PLEKHM3: variants seen among roughly 807,000 people sequenced by gnomAD.
PLEKHM3 encodes the protein pleckstrin homology domain containing M3, also known as pleckstrin homology domain-containing family M member 3.
In PLEKHM3, 45 loss-of-function variants were observed where a neutral mutation model predicts 81.8. That is an observed-to-expected ratio of 0.55 (90% CI 0.43 to 0.71). The LOEUF (loss-of-function observed/expected upper bound fraction) is 0.71, where lower values mean the gene tolerates loss of function less well. Among genes scored for constraint, PLEKHM3 ranks in the 30% least tolerant of loss-of-function variants. The pLI is 0.00. For synonymous variants in PLEKHM3, 352 were observed against 356.4 expected, an observed-to-expected ratio of 0.99 and a Z score of 0.14; for missense variants, 788 against 924.3, an observed-to-expected ratio of 0.85 and a Z score of 1.91.
intron 6 of PLEKHM3, among the ~76,000 whole-genome samples, chr2:207,870,795 A>G (rs1197527521): frequency 6.6e-6 from 1 of 152,194 alleles, no homozygotes; most frequent in Non-Finnish European, 1.5e-5. Context: ...TCTCTTACTC[A>G]TCAATCCTTA....
Position 207,919,907 on chromosome 2 carries a change from A to T in PLEKHM3, c.1886+11019T>A, listed in dbSNP as rs116501444. ...TGGTCTAAGAGCAGAGTAAGCTGCT[A>T]AATTTTGCTTGAAGGAAGGGGAAGC... On this transcript the variant is annotated intron_variant, in intron 5 of 7. Transcript: ENST00000427836. Among the ~76,000 whole-genome samples, 264 of 152,234 alleles carry T rather than the reference A, an allele frequency of 1.7e-3. 1 individual carries two copies. The Middle Eastern group carries it at 0.031, about 18-fold the overall frequency.
intron 7 of PLEKHM3, among the ~76,000 whole-genome samples, chr2:207,847,010 T>C (rs892241321): frequency 6.6e-6 from 1 of 152,206 alleles, no homozygotes; most frequent in Non-Finnish European, 1.5e-5. Flanking sequence ...CAATTCCTCT[T>C]TAAACAGCAA....
chr2:207,890,397 G>A (rs531168622), intron 6 of PLEKHM3, among the ~76,000 whole-genome samples: 5 of 152,326 alleles, frequency 3.3e-5, no homozygotes, highest in Non-Finnish European at 5.9e-5. Flanking sequence ...GAAGGCCGAG[G>A]TGGGTGGATC....
intron 6 of PLEKHM3, among the ~76,000 whole-genome samples, chr2:207,877,957 A>G (rs2092567457): frequency 6.6e-6 from 1 of 152,104 alleles, no homozygotes; most frequent in Non-Finnish European, 1.5e-5. Context: ...TTTATTTGAG[A>G]CAGGGACTCC....
chr2:208,022,675 T>C (rs1693165715), intron 1 of PLEKHM3, among the ~76,000 whole-genome samples: 3 of 152,138 alleles, frequency 2.0e-5, no homozygotes. Context: ...GTATGTTGAG[T>C]CCTTCCCCTA....
At chr2:207,861,007 A>C in intron 7 of PLEKHM3, 98 bp downstream of exon 7, 21 of 1,344,396 alleles carry the variant, frequency 1.6e-5, no homozygotes, top group Non-Finnish European at 1.9e-5. Context: ...GGTAAGAGAC[A>C]GAGATACACT....
At chr2:207,871,862 C>T (rs1162577245) in intron 6 of PLEKHM3, among the ~76,000 whole-genome samples, 1 of 152,108 alleles carries the variant, frequency 6.6e-6, no homozygotes, top group Non-Finnish European at 1.5e-5. Flanking sequence ...CCAGAAAATT[C>T]TCATAGATGG....
At chr2:207,832,384 A>C (rs931228717) in intron 7 of PLEKHM3, among the ~76,000 whole-genome samples, 2 of 152,212 alleles carry the variant, frequency 1.3e-5, no homozygotes, top group Non-Finnish European at 2.9e-5. Context: ...CTCTTACATA[A>C]GATTTATGGA....
chr2:207,888,622 C>G (rs1687956598), intron 6 of PLEKHM3, among the ~76,000 whole-genome samples: 1 of 152,140 alleles, frequency 6.6e-6, no homozygotes, highest in Non-Finnish European at 1.5e-5. Flanking sequence ...TCTCGAACTC[C>G]TGACCTCGTG....
rs190142976 is a variant in PLEKHM3 at position 208,003,064 on chromosome 2, T to A, written c.-318-1107A>T. Among the ~76,000 whole-genome samples the A allele has an allele frequency of 3.9e-3, 590 of 152,304 alleles. 1 individual carries two copies. Among genetic ancestry groups the A allele is most frequent in the African/African-American group, 0.013 (553 of 41,572 alleles). On this transcript the variant is annotated intron_variant, in intron 1 of 7. Transcript: ENST00000427836. ...CCTCATCTTGAATTCCCATGTGTTG[T>A]GGGAGGGACCCAGTGGGAGGTAATC...
intron 1 of PLEKHM3, among the ~76,000 whole-genome samples, chr2:208,005,937 T>C (rs1301004616): frequency 1.3e-5 from 2 of 152,206 alleles, no homozygotes; most frequent in South Asian, 2.1e-4. Context: ...CTTGTTGTTT[T>C]ACTCCTCCAT....
chr2:207,915,077 C>T (rs1351432444), intron 5 of PLEKHM3, among the ~76,000 whole-genome samples: 1 of 152,172 alleles, frequency 6.6e-6, no homozygotes, highest in Non-Finnish European at 1.5e-5. Context: ...AAGAAACGTG[C>T]TAGAAGATCA....
At chr2:207,930,506 C>CT (rs1689553664) in intron 5 of PLEKHM3, among the ~76,000 whole-genome samples, 1 of 151,612 alleles carries the variant, frequency 6.6e-6, no homozygotes, top group Non-Finnish European at 1.5e-5. Context: ...ATTGAAAATG[C>CT]TTTTTAGTTA....
At chr2:207,837,651 T>TTTTTG (rs2092326905) in intron 7 of PLEKHM3, among the ~76,000 whole-genome samples, 2 of 148,862 alleles carry the variant, frequency 1.3e-5, no homozygotes, top group Admixed American at 6.7e-5. Flanking sequence ...TTTTTTTTTT[T>TTTTTG]GAGATGGAGT....
intron 7 of PLEKHM3, among the ~76,000 whole-genome samples, chr2:207,840,798 T>TTTTTTTA (rs1559202723): frequency 2.1e-5 from 3 of 145,124 alleles, no homozygotes; most frequent in Admixed American, 6.9e-5. Flanking sequence ...ACACTTTTTA[T>TTTTTTTA]GTTTTTTTTT....
chr2:207,930,513 G>A (rs879630304), intron 5 of PLEKHM3, among the ~76,000 whole-genome samples: 3 of 151,950 alleles, frequency 2.0e-5, no homozygotes, highest in Admixed American at 6.5e-5. Flanking sequence ...ATGCTTTTTA[G>A]TTATGAACTA....
chr2:207,975,880 A>G (rs1393738565), intron 3 of PLEKHM3, among the ~76,000 whole-genome samples: 1 of 148,158 alleles, frequency 6.7e-6, no homozygotes, highest in Non-Finnish European at 1.5e-5. Flanking sequence ...TTCAGGTGTG[A>G]GCCACTGCAC....
intron 4 of PLEKHM3, among the ~76,000 whole-genome samples, chr2:207,936,418 A>G (rs1310381801): frequency 6.6e-6 from 1 of 152,206 alleles, no homozygotes; most frequent in Non-Finnish European, 1.5e-5. Flanking sequence ...ATAATTTACA[A>G]TGCTCTGGCC....
intron 3 of PLEKHM3, among the ~76,000 whole-genome samples, chr2:207,955,012 T>C (rs1258469241): frequency 1.3e-5 from 2 of 152,194 alleles, no homozygotes; most frequent in African/African-American, 4.8e-5. Context: ...AAAATTTATC[T>C]TGAAAGGCAA....
Sources: allele counts gnomAD v4.1 joint callset (sites outside exome capture counted in the v4.1 genomes callset), GRCh38; gene constraint gnomAD v4.1.1; transcripts MANE v1.5; gene names NCBI Gene and HGNC (gene_info 2026-07-23, HGNC 2026-07-21).